The following ZNF475 variants were observed in gnomAD, a reference collection of about 807,000 sequenced individuals.
ZNF475 encodes zinc finger protein 475.
chr5:122,179,752 T>G, the ZNF475 span: 1 of 1,473,030 alleles, frequency 6.8e-7, no homozygotes, highest in South Asian at 1.4e-5. Flanking sequence ...GAAAAAAGAT[T>G]TGAGTGCATA....
the ZNF475 span, among the ~76,000 whole-genome samples, chr5:122,168,744 G>T: frequency 6.6e-6 from 1 of 152,060 alleles, no homozygotes; most frequent in Non-Finnish European, 1.5e-5. Context: ...GTCCCATCTG[G>T]CCCATTTCTT....
At chr5:122,164,888 G>A in the ZNF475 span, among the ~76,000 whole-genome samples, 2 of 152,152 alleles carry the variant, frequency 1.3e-5, no homozygotes, top group African/African-American at 4.8e-5. Context: ...AAGCCAAATA[G>A]GGATCTGTCA....
At chr5:122,172,984 G>A in the ZNF475 span, among the ~76,000 whole-genome samples, 2 of 151,872 alleles carry the variant, frequency 1.3e-5, no homozygotes, top group Admixed American at 1.3e-4. Flanking sequence ...AGTGAGCCAA[G>A]ATCGCGCCAC....
At chr5:122,173,148 G>A in the ZNF475 span, among the ~76,000 whole-genome samples, 5 of 152,054 alleles carry the variant, frequency 3.3e-5, no homozygotes, top group Non-Finnish European at 5.9e-5. Flanking sequence ...ATAAATTCAT[G>A]CAATAAATTT....
the ZNF475 span, among the ~76,000 whole-genome samples, chr5:122,162,000 G>C: frequency 6.6e-6 from 1 of 151,042 alleles, no homozygotes; most frequent in Non-Finnish European, 1.5e-5. Context: ...AAAACCTTCA[G>C]CTAGGAAATT....
At chr5:122,164,640 C>T in the ZNF475 span, among the ~76,000 whole-genome samples, 16 of 152,234 alleles carry the variant, frequency 1.1e-4, no homozygotes, top group East Asian at 7.7e-4. Context: ...GTCTCTGGAA[C>T]GATGAAGCTA....
At chr5:122,179,568 C>T in the ZNF475 span, 1 of 1,516,284 alleles carries the variant, frequency 6.6e-7, no homozygotes, top group Non-Finnish European at 8.8e-7. Flanking sequence ...GATACGGCGT[C>T]CACCAGCAGT....
the ZNF475 span, among the ~76,000 whole-genome samples, chr5:122,171,717 T>C: frequency 8.5e-5 from 13 of 152,214 alleles, no homozygotes; most frequent in East Asian, 2.3e-3. Flanking sequence ...ATTTTGATAA[T>C]TAATTTTATA....
chr5:122,173,332 T>C, the ZNF475 span, among the ~76,000 whole-genome samples: 309 of 152,366 alleles, frequency 2.0e-3, 4 homozygotes, highest in African/African-American at 7.1e-3. Context: ...CTCGGTTTTC[T>C]GAAACAGCTA....
At chr5:122,165,935 C>T in the ZNF475 span, among the ~76,000 whole-genome samples, 2 of 152,316 alleles carry the variant, frequency 1.3e-5, no homozygotes, top group Non-Finnish European at 2.9e-5. Context: ...AAAATGACCT[C>T]ATCAAAAAGA....
the ZNF475 span, among the ~76,000 whole-genome samples, chr5:122,169,566 G>A: frequency 1.3e-5 from 2 of 152,172 alleles, no homozygotes; most frequent in Admixed American, 1.3e-4. Context: ...ACTGGCCATG[G>A]CTGAAGTCTA....
chr5:122,171,675 T>G, the ZNF475 span, among the ~76,000 whole-genome samples: 1 of 152,294 alleles, frequency 6.6e-6, no homozygotes, highest in African/African-American at 2.4e-5. Flanking sequence ...TTTAATGTCA[T>G]TAACTTATTT....
the ZNF475 span, among the ~76,000 whole-genome samples, chr5:122,168,628 G>T: frequency 6.6e-6 from 1 of 152,190 alleles, no homozygotes; most frequent in Admixed American, 6.5e-5. Context: ...CAGGAGAATG[G>T]CGTGAACCCA....
the ZNF475 span, among the ~76,000 whole-genome samples, chr5:122,177,579 A>T: frequency 1.3e-5 from 2 of 152,154 alleles, no homozygotes; most frequent in East Asian, 3.9e-4. Flanking sequence ...TCCTCACCTC[A>T]ATCCCAGTTA....
chr5:122,169,954 T>C, the ZNF475 span, among the ~76,000 whole-genome samples: 2 of 152,228 alleles, frequency 1.3e-5, no homozygotes, highest in Non-Finnish European at 1.5e-5. Flanking sequence ...GAACTCATGC[T>C]AAATCTTGTT....
chr5:122,181,412 C>T, the ZNF475 span, among the ~76,000 whole-genome samples: 5 of 152,150 alleles, frequency 3.3e-5, no homozygotes, highest in African/African-American at 1.2e-4. Flanking sequence ...TCATTCTTTT[C>T]TCATTTTTCA....
At chr5:122,166,631 T>A in the ZNF475 span, among the ~76,000 whole-genome samples, 1 of 152,210 alleles carries the variant, frequency 6.6e-6, no homozygotes, top group African/African-American at 2.4e-5. Flanking sequence ...AAATGACGGT[T>A]TCCAGCTTCA....
At chr5:122,168,629 C>T in the ZNF475 span, among the ~76,000 whole-genome samples, 9 of 152,162 alleles carry the variant, frequency 5.9e-5, no homozygotes, top group East Asian at 1.9e-4. Flanking sequence ...AGGAGAATGG[C>T]GTGAACCCAG....
At chr5:122,168,627 G>T in the ZNF475 span, among the ~76,000 whole-genome samples, 34 of 152,284 alleles carry the variant, frequency 2.2e-4, no homozygotes, top group African/African-American at 7.5e-4. Flanking sequence ...GCAGGAGAAT[G>T]GCGTGAACCC....
Sources: gnomAD v4.1 joint callset for allele counts (sites outside exome capture counted in the v4.1 genomes callset) on GRCh38, gnomAD v4.1.1 for gene constraint, MANE v1.5 for transcripts, NCBI Gene and HGNC (gene_info 2026-07-23, HGNC 2026-07-21) for gene names.